The following COCH variants were observed in gnomAD, a reference collection of about 807,000 sequenced individuals.
The protein encoded by COCH is cochlin.
COCH carries 40 observed loss-of-function variants against 54.8 expected under a neutral mutation model. The observed-to-expected ratio is 0.73, with a 90% CI of 0.57 to 0.95. The LOEUF (loss-of-function observed/expected upper bound fraction) is 0.95. Ranked by LOEUF, COCH falls within the 40% of genes least tolerant of loss-of-function variation. The probability of loss-of-function intolerance (pLI) is 0.00; values close to 1 mark genes in which losing one functional copy is unlikely to be tolerated. For synonymous variants in COCH, 256 were observed against 237.9 expected, an observed-to-expected ratio of 1.08 and a Z score of -0.70; for missense variants, 605 against 675.0, an observed-to-expected ratio of 0.90 and a Z score of 1.15.
chr14:30,878,801 T>C lies in COCH; in HGVS notation c.240-10T>C. ...TGGATAGCATCTCAGCTGCTATTCTTGTGTTACAGGGGAGTAATCAGCAAC... is the reference window on the plus strand; with the variant it reads ...TGGATAGCATCTCAGCTGCTATTCTCGTGTTACAGGGGAGTAATCAGCAAC... On this transcript the variant is annotated splice_polypyrimidine_tract_variant and intron_variant, in intron 4 of 11. Transcript: ENST00000396618. The C allele has an allele frequency of 6.2e-7, 1 of 1,614,172 alleles. No homozygotes were observed. Among genetic ancestry groups the C allele is most frequent in the Non-Finnish European group, 8.5e-7 (1 of 1,180,028 alleles).
chr14:30,891,886 G>C (rs1895990404), downstream of COCH, among the ~76,000 whole-genome samples: 2 of 152,180 alleles, frequency 1.3e-5, no homozygotes, highest in Admixed American at 1.3e-4. Flanking sequence ...ATTTACAGGA[G>C]ACAGAGTAAA....
At position 30,880,688 on chromosome 14, in the gene COCH, T is replaced by C. The variant is rs779593424; in HGVS notation, c.583T>C (p.Leu195=). 3 of 1,614,026 alleles carry C rather than the reference T, an allele frequency of 1.9e-6. No individual in the cohort carries two copies. The highest frequency in any genetic ancestry group is 1.7e-5 in the Admixed American group (1 of 60,018). The part of the protein sequence containing the change: ...KNFVGKVALM[L]GIGTEGPHVG... ...TTTTGTTGGAAAAGTGGCTCTAATG[T>C]TGGGAATTGGAACAGAAGGACCACA... is the stretch of plus-strand genomic sequence containing the variant. The change falls in exon 8 of 12, where the codon TTG becomes CTG. Residue 195 remains leucine (L), a synonymous_variant. Coordinates refer to ENST00000396618, the MANE Select transcript of COCH (RefSeq NM_004086.3).
At chr14:30,879,018 C>T in intron 5 of COCH, 74 bp downstream of exon 5, 1 of 1,567,654 alleles carries the variant, frequency 6.4e-7, no homozygotes, top group East Asian at 2.2e-5. Context: ...TTTAGCTCAG[C>T]CTCTTTAACC....
chr14:30,879,463 G>A lies in COCH; in HGVS notation c.414G>A (p.Val138=). ...CACAGGAGGCCACAGGACAAGCAGTGTCCACAGCACATCCACCAACAGGTA... is the reference window on the plus strand; with the variant it reads ...CACAGGAGGCCACAGGACAAGCAGTATCCACAGCACATCCACCAACAGGTA... ...SSTQEATGQA[V]STAHPPTGKR... The change falls in exon 6 of 12, where the codon GTG becomes GTA. Residue 138 remains valine (V), a synonymous_variant. Transcript: ENST00000396618. 1 of 1,614,074 alleles carries A rather than the reference G, an allele frequency of 6.2e-7. No individual in the cohort carries two copies.
intron 8 of COCH, among the ~76,000 whole-genome samples, chr14:30,881,971 A>G (rs1180239490): frequency 7.3e-6 from 1 of 136,120 alleles, no homozygotes; most frequent in South Asian, 2.2e-4. Flanking sequence ...TTCAAAAAAT[A>G]AAAATAAAAA....
At chr14:30,874,651 T>G in intron 1 of COCH, 60 bp downstream of exon 1, 3 of 554,170 alleles carry the variant, frequency 5.4e-6, no homozygotes, top group Non-Finnish European at 6.5e-6. Flanking sequence ...CTGTCCCTGT[T>G]TCTTTGTCGC....
chr14:30,880,815 G>T (rs905127165), intron 8 of COCH, 81 bp downstream of exon 8: 18 of 1,037,502 alleles, frequency 1.7e-5, no homozygotes, highest in African/African-American at 3.2e-5. Context: ...TACTTATGGG[G>T]TACATAGTGA....
chr14:30,889,899 ATTAAG>A lies in COCH; in HGVS notation c.*110_*114del. On this transcript the variant is annotated 3_prime_UTR_variant, in exon 12 of 12. Coordinates refer to ENST00000396618, the MANE Select transcript of COCH (RefSeq NM_004086.3). ...GCATACTAGAATCAGATACAAAACTATTAAGTATGTCAACAGCCATTTAGGCAAAT... is the reference window on the plus strand; with the variant it reads ...GCATACTAGAATCAGATACAAAACTATATGTCAACAGCCATTTAGGCAAAT... 1 of 1,462,250 alleles carries A rather than the reference ATTAAG, an allele frequency of 6.8e-7. No individual in the cohort carries two copies. The highest frequency in any genetic ancestry group is 9.0e-7 in the Non-Finnish European group (1 of 1,108,152). 90.6% of individuals were successfully genotyped at this position (1,462,250 alleles called of 1,614,324 possible).
intron 8 of COCH, 123 bp from the exon 9 acceptor site, chr14:30,884,430 A>G: frequency 1.4e-6 from 1 of 700,276 alleles, no homozygotes. Context: ...TTGACTATGT[A>G]CTATGGAATT....
At chr14:30,888,623 C>T (rs1895873359) in intron 11 of COCH, among the ~76,000 whole-genome samples, 1 of 151,880 alleles carries the variant, frequency 6.6e-6, no homozygotes, top group African/African-American at 2.4e-5. Flanking sequence ...CCCATCTCTA[C>T]AAAGAAATTT....
At chr14:30,887,902 A>C (rs1483786718) in intron 11 of COCH, among the ~76,000 whole-genome samples, 1 of 152,212 alleles carries the variant, frequency 6.6e-6, no homozygotes, top group Non-Finnish European at 1.5e-5. Context: ...TACTTAGCTT[A>C]CTGAACTTAT....
Position 30,884,669 on chromosome 14 carries a change from T to C in COCH, c.733+13T>C. On this transcript the variant is annotated intron_variant, in intron 9 of 11. Transcript: ENST00000396618. Reference sequence around the variant, plus strand: ...AATTCCAATACAGGTAAGTAGACTTTGATACCTGGGATGTAACATAGGAGA... The same window carrying C: ...AATTCCAATACAGGTAAGTAGACTTCGATACCTGGGATGTAACATAGGAGA... 6.5e-7 allele frequency: 1 copy of C among 1,547,580 alleles called. No homozygotes were observed. The highest frequency in any genetic ancestry group is 1.1e-5 in the South Asian group (1 of 89,710).
At position 30,885,992 on chromosome 14, in the gene COCH, T is replaced by C. The variant is rs2138877416; in HGVS notation, c.1157T>C (p.Met386Thr). The C allele has an allele frequency of 6.2e-7, 1 of 1,614,240 alleles. No individual in the cohort carries two copies. Among genetic ancestry groups the C allele is most frequent in the Middle Eastern group, 1.6e-4 (1 of 6,062 alleles). Residue 386 changes from methionine to threonine, a missense_variant, in exon 11 of 12, where the codon ATG becomes ACG. By Grantham distance (81) the Met-to-Thr change is moderately conservative. Coordinates refer to ENST00000396618, the MANE Select transcript of COCH (RefSeq NM_004086.3). ...GTTGGAGATAGCAATTTCCGCCTCA[T>C]GCTTGAATTTGTTTCCAACATAGCC... The part of the protein sequence containing the change: ...SSVGDSNFRL[M>T]LEFVSNIAKT...
chr14:30,891,830 G>T (rs1895989213), downstream of COCH, among the ~76,000 whole-genome samples: 1 of 152,126 alleles, frequency 6.6e-6, no homozygotes, highest in Non-Finnish European at 1.5e-5. Context: ...AGAACTGTAG[G>T]TTACTATCAA....
chr14:30,879,075 A>G, intron 5 of COCH, 131 bp downstream of exon 5: 2 of 1,336,840 alleles, frequency 1.5e-6, no homozygotes, highest in Non-Finnish European at 2.1e-6. Context: ...CTATAGAGGT[A>G]AACTGTAGGT....
rs200011660 is a variant in COCH at position 30,877,766 on chromosome 14, A to G, written c.239+38A>G. 1.0e-4 allele frequency: 165 copies of G among 1,613,318 alleles called. No homozygotes were observed. The highest frequency in any genetic ancestry group is 7.2e-5 in the Non-Finnish European group (85 of 1,179,952). ...ACACCAGGGTGGGAGAGAAATGCAG[A>G]CGTGATTATTTCCTTTCCTGCTTTA... On this transcript the variant is annotated intron_variant, in intron 4 of 11. Coordinates refer to ENST00000396618, the MANE Select transcript of COCH (RefSeq NM_004086.3). This position sits in a 1 kb window ranked among gnomAD's most constrained non-coding sequence, Gnocchi z 8.6.
intron 11 of COCH, chr14:30,889,111 C>T (rs1332880707): frequency 1.3e-5 from 2 of 155,538 alleles, no homozygotes; most frequent in African/African-American, 4.8e-5. Flanking sequence ...ATTCCTCAAA[C>T]AATGCAACCT....
Position 30,889,923 on chromosome 14 carries a change from G to A in COCH, c.*132G>A, listed in dbSNP as rs1895927880. ...TATTAAGTATGTCAACAGCCATTTA[G>A]GCAAATAAGCACTCCTTTAAAGCCG... is the stretch of plus-strand genomic sequence containing the variant. On this transcript the variant is annotated 3_prime_UTR_variant, in exon 12 of 12. Coordinates refer to ENST00000396618, the MANE Select transcript of COCH (RefSeq NM_004086.3). 7.0e-7 allele frequency: 1 copy of A among 1,426,150 alleles called. No homozygotes were observed. The highest frequency in any genetic ancestry group is 1.4e-5 in the African/African-American group (1 of 69,660). The allele number at this position is 1,426,150 out of a possible 1,614,324, so 88.3% of individuals were successfully genotyped here. A position where few individuals can be genotyped will look rare whatever the true frequency, so the allele number is the denominator to read the frequency against.
At position 30,875,092 on chromosome 14, in the gene COCH, G is replaced by A; in HGVS notation, c.71G>A (p.Ser24Asn). 6.3e-7 allele frequency: 1 copy of A among 1,578,360 alleles called. No homozygotes were observed. Among genetic ancestry groups the A allele is most frequent in the Non-Finnish European group, 8.6e-7 (1 of 1,162,730 alleles). Residue 24 changes from serine to asparagine, a missense_variant, in exon 3 of 12, where the codon AGC becomes AAC. By Grantham distance (46) the Ser-to-Asn change is conservative (BLOSUM62 1). Coordinates refer to ENST00000396618, the MANE Select transcript of COCH (RefSeq NM_004086.3). Reference protein sequence around the residue: ...CLLLLPGPAGSEGAAPIAITC... With the variant: ...CLLLLPGPAGNEGAAPIAITC... ...CTGCTGCTGCCGGGGCCCGCGGGCA[G>A]CGAGGGAGCCGGTGAGTGGGGGAGC...
Sources: gnomAD v4.1 joint callset for allele counts (sites outside exome capture counted in the v4.1 genomes callset) on GRCh38, gnomAD v4.1.1 for gene constraint, Gnocchi (gnomAD v3.1) non-coding constraint, MANE v1.5 for transcripts, NCBI Gene and HGNC (gene_info 2026-07-23, HGNC 2026-07-21) for gene names.